DLST: variants seen among roughly 807,000 people sequenced by gnomAD.
DLST encodes the protein dihydrolipoamide S-succinyltransferase.
In DLST, 17 loss-of-function variants were observed where a neutral mutation model predicts 53.1. The ratio of observed to expected loss-of-function variants is 0.32; its 90% CI spans 0.22 to 0.48. DLST has a LOEUF of 0.48. Ranked by LOEUF, DLST falls within the 20% of genes least tolerant of loss-of-function variation. The pLI is 0.99. For synonymous variants in DLST, 206 were observed against 204.8 expected, an observed-to-expected ratio of 1.01 and a Z score of -0.05; for missense variants, 512 against 583.9, an observed-to-expected ratio of 0.88 and a Z score of 1.27.
At chr14:74,896,056 T>C (rs989909484) in intron 10 of DLST, among the ~76,000 whole-genome samples, 2 of 152,140 alleles carry the variant, frequency 1.3e-5, no homozygotes, top group Non-Finnish European at 2.9e-5. Context: ...AAGGTCTCGC[T>C]GTGTTGCCTA....
Position 74,881,928 on chromosome 14 carries a change from C to T in DLST, c.-26C>T, listed in dbSNP as rs374676630. 27 of 1,523,166 alleles carry T rather than the reference C, an allele frequency of 1.8e-5. No homozygotes were observed. The South Asian group carries it at 2.3e-4, about 13-fold the overall frequency. The allele number at this position is 1,523,166 out of a possible 1,614,324, so 94.4% of individuals were successfully genotyped here. A position where few individuals can be genotyped will look rare whatever the true frequency, so the allele number is the denominator to read the frequency against. On this transcript the variant is annotated 5_prime_UTR_variant, in exon 1 of 15. Transcript: ENST00000334220. The stretch of plus-strand genomic sequence containing the variant: ...GTTGTCCGGCCCTATATCCGGTGTC[C>T]GCCCGCCCTCGGCTCCTCCGCCGTG...
intron 14 of DLST, 83 bp from the exon 15 acceptor site, chr14:74,902,113 T>C: frequency 1.5e-6 from 2 of 1,370,882 alleles, no homozygotes; most frequent in East Asian, 2.7e-5. Flanking sequence ...TTAGGAACTT[T>C]CTTATGGGCT....
intron 13 of DLST, 77 bp from the exon 14 acceptor site, chr14:74,900,989 G>C: frequency 6.5e-7 from 1 of 1,531,970 alleles, no homozygotes; most frequent in East Asian, 2.3e-5. Context: ...GCCTCCCAAA[G>C]CGCTGGGATT....
chr14:74,894,131 T>A (rs1398113453), intron 9 of DLST, among the ~76,000 whole-genome samples, 181 bp from the exon 10 acceptor site: 1 of 152,222 alleles, frequency 6.6e-6, no homozygotes, highest in Non-Finnish European at 1.5e-5. Flanking sequence ...GGCCTGTGTT[T>A]GCATGTTTTT....
intron 10 of DLST, among the ~76,000 whole-genome samples, chr14:74,896,972 C>A (rs937995314): frequency 6.6e-6 from 1 of 152,202 alleles, no homozygotes; most frequent in African/African-American, 2.4e-5. Flanking sequence ...GATCAGCTAA[C>A]CCATAAGGGA....
At chr14:74,894,445 T>C in intron 10 of DLST, 36 bp downstream of exon 10, 1 of 1,593,544 alleles carries the variant, frequency 6.3e-7, no homozygotes, top group East Asian at 2.3e-5. Context: ...CCTAGGCCCC[T>C]TTTTCTTAGA....
intron 13 of DLST, 98 bp from the exon 14 acceptor site, chr14:74,900,965 GTCC>G: frequency 4.4e-6 from 6 of 1,352,808 alleles, no homozygotes; most frequent in East Asian, 2.3e-5. Flanking sequence ...GCCTCAAGCA[GTCC>G]TCCTGCCTCG....
At chr14:74,901,001 T>C (rs1431034038) in intron 13 of DLST, 65 bp from the exon 14 acceptor site, 1 of 1,569,258 alleles carries the variant, frequency 6.4e-7, no homozygotes, top group East Asian at 2.2e-5. Flanking sequence ...GCTGGGATTA[T>C]GGACTGACTT....
chr14:74,881,940 G>T lies in DLST; in HGVS notation c.-14G>T. ...TATATCCGGTGTCCGCCCGCCCTCG[G>T]CTCCTCCGCCGTGATGCTGTCCCGA... On this transcript the variant is annotated 5_prime_UTR_variant, in exon 1 of 15. Transcript: ENST00000334220. The T allele has an allele frequency of 6.5e-7, 1 of 1,538,902 alleles. No individual in the cohort carries two copies. Among genetic ancestry groups the T allele is most frequent in the South Asian group, 1.2e-5 (1 of 84,194 alleles).
intron 3 of DLST, among the ~76,000 whole-genome samples, chr14:74,886,928 G>A (rs1227626405): frequency 6.6e-6 from 1 of 151,758 alleles, no homozygotes; most frequent in Non-Finnish European, 1.5e-5. Flanking sequence ...TAGTAGAGAC[G>A]GGGTTTCATC....
At chr14:74,882,489 C>A in intron 1 of DLST, 102 bp from the exon 2 acceptor site, 1 of 1,169,850 alleles carries the variant, frequency 8.5e-7, no homozygotes, top group Non-Finnish European at 1.3e-6. Flanking sequence ...ACGAGATTCA[C>A]CTGTCACCAC....
intron 2 of DLST, among the ~76,000 whole-genome samples, chr14:74,883,331 T>G (rs940749366): frequency 2.0e-5 from 3 of 146,820 alleles, no homozygotes; most frequent in Non-Finnish European, 4.5e-5. Context: ...GCTAGCAGAA[T>G]GTGACGGAGC....
At chr14:74,900,542 C>G (rs1398144353) in intron 13 of DLST, among the ~76,000 whole-genome samples, 170 bp downstream of exon 13, 1 of 152,174 alleles carries the variant, frequency 6.6e-6, no homozygotes, top group African/African-American at 2.4e-5. Flanking sequence ...GTTTACCATG[C>G]TCTGGTAACT....
At chr14:74,892,709 G>A in intron 7 of DLST, 125 bp from the exon 8 acceptor site, 1 of 904,886 alleles carries the variant, frequency 1.1e-6, no homozygotes, top group South Asian at 1.7e-5. Flanking sequence ...ATAGTGCTTT[G>A]CATATTGCTG....
chr14:74,887,970 A>G (rs964991229), intron 3 of DLST, among the ~76,000 whole-genome samples: 2 of 152,234 alleles, frequency 1.3e-5, no homozygotes, highest in Non-Finnish European at 2.9e-5. Flanking sequence ...CTGAAGTGTA[A>G]AAAGTGAAAG....
At chr14:74,895,456 G>T (rs952140782) in intron 10 of DLST, among the ~76,000 whole-genome samples, 2 of 152,188 alleles carry the variant, frequency 1.3e-5, no homozygotes, top group South Asian at 4.1e-4. Flanking sequence ...CTGTACTGTG[G>T]AATTCAGTGG....
rs72734215 is a variant in DLST at position 74,886,684 on chromosome 14, C to T, written c.146+1050C>T. ...CACTCAGTACTAGAAATATGAATCC[C>T]GGTGTTATTTTGGAGGGCAGTTTGA... On this transcript the variant is annotated intron_variant, in intron 3 of 14. Transcript: ENST00000334220. Among the ~76,000 whole-genome samples the T allele has an allele frequency of 3.8e-3, 572 of 151,972 alleles. 1 individual carries two copies. The highest frequency in any genetic ancestry group is 6.8e-3 in the Middle Eastern group (2 of 294).
rs201721137 is a variant in DLST at position 74,892,904 on chromosome 14, G to A, written c.513G>A (p.Ala171=). ...CCCCAAAAGCAGAACCTACAGCAGC[G>A]GCAGTTCCTCCCCCTGCAGCACCCA... ...AAAPKAEPTA[A]AVPPPAAPIP... is the part of the protein sequence containing the mutation. Residue 171 remains alanine (A), a synonymous_variant, in exon 8 of 15, where the codon GCG becomes GCA. Coordinates refer to ENST00000334220, the MANE Select transcript of DLST (RefSeq NM_001933.5). 2.8e-5 allele frequency: 46 copies of A among 1,614,068 alleles called. No homozygotes were observed. Among genetic ancestry groups the A allele is most frequent in the Admixed American group, 2.8e-4 (17 of 59,978 alleles).
Position 74,902,231 on chromosome 14 carries a change from C to G in DLST, c.1263C>G (p.Thr421=). ...EVRPMMYVAL[T]YDHRLIDGRE... is the part of the protein sequence containing the mutation. ...GGCCCATGATGTACGTGGCACTGAC[C>G]TATGATCACCGGCTGATTGATGGCA... Residue 421 remains threonine, a synonymous_variant, in exon 15 of 15, where the codon ACC becomes ACG. Coordinates refer to ENST00000334220, the MANE Select transcript of DLST (RefSeq NM_001933.5). 1 of 1,612,208 alleles carries G rather than the reference C, an allele frequency of 6.2e-7. No individual in the cohort carries two copies.
Sources: gnomAD v4.1 joint callset for allele counts (sites outside exome capture counted in the v4.1 genomes callset) on GRCh38, gnomAD v4.1.1 for gene constraint, MANE v1.5 for transcripts, NCBI Gene and HGNC (gene_info 2026-07-23, HGNC 2026-07-21) for gene names.